Variants in RNF32 observed in about 807,000 individuals in gnomAD.
RNF32 encodes the protein ring finger protein 32.
In RNF32, 36 loss-of-function variants were observed where a neutral mutation model predicts 41.0. That is an observed-to-expected ratio of 0.88 (90% CI 0.67 to 1.16). The LOEUF (loss-of-function observed/expected upper bound fraction) is 1.16, where lower values mean the gene tolerates loss of function less well. RNF32 is among the 50% of genes most tolerant of loss of function. The pLI, the probability that RNF32 is intolerant of heterozygous loss-of-function variation, is 0.00. For synonymous variants in RNF32, 154 were observed against 160.9 expected, an observed-to-expected ratio of 0.96 and a Z score of 0.32; for missense variants, 413 against 436.7, an observed-to-expected ratio of 0.95 and a Z score of 0.48.
intron 1 of RNF32, among the ~76,000 whole-genome samples, chr7:156,642,080 C>A (rs180863233): frequency 1.3e-5 from 2 of 152,296 alleles, no homozygotes; most frequent in Non-Finnish European, 2.9e-5. Flanking sequence ...AAGTGTTAGT[C>A]CTTAGAAATA....
chr7:156,658,889 T>C, intron 7 of RNF32: 1 of 1,549,702 alleles, frequency 6.5e-7, no homozygotes, highest in East Asian at 2.4e-5. Flanking sequence ...CAGCTTAATT[T>C]TTCCCATCTC....
chr7:156,647,913 T>C (rs1798185363), intron 3 of RNF32, among the ~76,000 whole-genome samples: 1 of 152,210 alleles, frequency 6.6e-6, no homozygotes, highest in Non-Finnish European at 1.5e-5. Flanking sequence ...TGGTTTTAAT[T>C]TGCATTTCCC....
intron 7 of RNF32, among the ~76,000 whole-genome samples, chr7:156,662,109 T>C (rs1183850612): frequency 1.3e-5 from 2 of 152,230 alleles, no homozygotes; most frequent in African/African-American, 4.8e-5. Context: ...AATAGTGTAT[T>C]AGCAGTAGGT....
chr7:156,654,600 CT>C lies in RNF32; in HGVS notation c.300del (p.Pro101HisfsTer13). 1 of 1,614,114 alleles carries C rather than the reference CT, an allele frequency of 6.2e-7. No homozygotes were observed. Among genetic ancestry groups the C allele is most frequent in the Non-Finnish European group, 8.5e-7 (1 of 1,179,948 alleles). ...GCACAGAAGTTGGGCCTCATTGGGC[CT>C]CCACCACCTCCACTGTCATCAGATG... is the stretch of plus-strand genomic sequence containing the variant. ...TLAQKLGLIGPPPPPLSSDEW... is the reference protein window; with the variant it reads ...TLAQKLGLIGXPPPPLSSDEW... On this transcript the variant is annotated frameshift_variant, in exon 4 of 9. Transcript: ENST00000317955. LOFTEE classifies it high-confidence loss of function.
At chr7:156,665,179 C>T (rs186959202) in intron 7 of RNF32, among the ~76,000 whole-genome samples, 141 of 152,282 alleles carry the variant, frequency 9.3e-4, no homozygotes, top group Non-Finnish European at 9.0e-4. Flanking sequence ...CCTAGTAATA[C>T]GGCCATTAAA....
At chr7:156,653,637 C>T (rs567127751) in intron 3 of RNF32, among the ~76,000 whole-genome samples, 14 of 152,234 alleles carry the variant, frequency 9.2e-5, no homozygotes, top group Admixed American at 4.6e-4. Flanking sequence ...CTTTGGGGTG[C>T]GGGGAGGTGG....
intron 7 of RNF32, among the ~76,000 whole-genome samples, chr7:156,665,428 T>C (rs1023401893): frequency 7.9e-5 from 12 of 152,214 alleles, no homozygotes; most frequent in African/African-American, 2.9e-4. Context: ...TGTGTGGCAA[T>C]TAATAAGATT....
At chr7:156,660,096 C>A in intron 7 of RNF32, 1 of 985,908 alleles carries the variant, frequency 1.0e-6, no homozygotes, top group Non-Finnish European at 1.2e-6. Flanking sequence ...ACTGCTGCCT[C>A]CTCGTCCTGA....
chr7:156,659,920 C>G, intron 7 of RNF32: 1 of 985,478 alleles, frequency 1.0e-6, no homozygotes, highest in African/African-American at 1.7e-5. Flanking sequence ...GCAGGGAGAC[C>G]TGATCAAACA....
chr7:156,668,510 G>A lies in RNF32; in HGVS notation c.685-7186G>A, dbSNP rs368838385. Among the ~76,000 whole-genome samples the A allele has an allele frequency of 1.6e-4, 24 of 152,286 alleles. No individual in the cohort carries two copies. In the South Asian group the frequency reaches 4.8e-3, roughly 30 times the overall value. On this transcript the variant is annotated intron_variant, in intron 7 of 8. Transcript: ENST00000317955. ...GGGCTCCAGTGACTTGCACCTGTGG[G>A]TCTTGCCACCCTGCTTCCCTCTGCC...
At chr7:156,648,864 TTTG>T (rs1798322905) in intron 3 of RNF32, among the ~76,000 whole-genome samples, 1 of 152,242 alleles carries the variant, frequency 6.6e-6, no homozygotes, top group South Asian at 2.1e-4. Flanking sequence ...ATTGTTTTGT[TTTG>T]TTTTGTTTTT....
chr7:156,644,644 G>A lies in RNF32; in HGVS notation c.161G>A (p.Arg54Lys), dbSNP rs770292211. 1 of 1,613,392 alleles carries A rather than the reference G, an allele frequency of 6.2e-7. No homozygotes were observed. Among genetic ancestry groups the A allele is most frequent in the Non-Finnish European group, 8.5e-7 (1 of 1,179,496 alleles). ...VQKKENKSLKRDTKAIIDTGL... is the reference protein window; with the variant it reads ...VQKKENKSLKKDTKAIIDTGL... ...AAGAAAGAGAACAAATCTCTAAAAA[G>A]AGATACAAAGGCAATAATAGATACT... The change falls in exon 3 of 9, where the codon AGA becomes AAA. Residue 54 changes from arginine to lysine, a missense_variant. By Grantham distance (26) the Arg-to-Lys change is conservative. Transcript: ENST00000317955.
chr7:156,666,054 G>A (rs912846231), intron 7 of RNF32, among the ~76,000 whole-genome samples: 4 of 152,118 alleles, frequency 2.6e-5, no homozygotes, highest in African/African-American at 7.2e-5. Flanking sequence ...CATTGGTTTC[G>A]ATCAAAGATA....
intron 3 of RNF32, among the ~76,000 whole-genome samples, chr7:156,652,870 A>G (rs79234672): frequency 0.019 from 2,857 of 152,318 alleles, 91 homozygotes; most frequent in African/African-American, 0.066. Flanking sequence ...GCAGTGAGCC[A>G]TGACCACATC....
chr7:156,665,413 C>A (rs1422422505), intron 7 of RNF32, among the ~76,000 whole-genome samples: 1 of 152,134 alleles, frequency 6.6e-6, no homozygotes, highest in Non-Finnish European at 1.5e-5. Context: ...TCTTACAAAG[C>A]AAAATGTGTG....
intron 7 of RNF32, among the ~76,000 whole-genome samples, chr7:156,671,777 T>C (rs1240401715): frequency 1.3e-5 from 2 of 151,068 alleles, no homozygotes; most frequent in East Asian, 3.9e-4. Context: ...TCCACGTACT[T>C]GAAGAAACTT....
rs141726997 is a variant in RNF32 at position 156,665,877 on chromosome 7, G to C, written c.684+7307G>C. On this transcript the variant is annotated intron_variant, in intron 7 of 8. Transcript: ENST00000317955. ...GTACCATCAGAATCATTGTGTAAAA[G>C]AAAGACCATTTTAACACCAGAAAAG... Among the ~76,000 whole-genome samples, 119 of 152,332 alleles carry C rather than the reference G, an allele frequency of 7.8e-4. 1 individual carries two copies. In the East Asian group the frequency reaches 0.015, roughly 19 times the overall value.
chr7:156,651,581 C>T (rs967249870), intron 3 of RNF32, among the ~76,000 whole-genome samples: 9 of 152,188 alleles, frequency 5.9e-5, no homozygotes, highest in Admixed American at 1.3e-4. Context: ...CTGGATATCT[C>T]TTCTTACTGC....
At position 156,676,529 on chromosome 7, in the gene RNF32, C is replaced by G. The variant is rs1199242467; in HGVS notation, c.963C>G (p.Ser321=). 1 of 1,614,140 alleles carries G rather than the reference C, an allele frequency of 6.2e-7. No homozygotes were observed. The highest frequency in any genetic ancestry group is 2.2e-5 in the East Asian group (1 of 44,870). Residue 321 remains serine, a synonymous_variant, in exon 9 of 9, where the codon TCC becomes TCG. Transcript: ENST00000317955. The part of the protein sequence containing the change: ...GRRSREMALL[S]CSHVFHHACL... The stretch of plus-strand genomic sequence containing the variant: ...GTTCCAGAGAGATGGCCCTCCTGTC[C>G]TGCTCACATGTGTTCCACCATGCGT...
Sources: gnomAD v4.1 joint callset for allele counts (sites outside exome capture counted in the v4.1 genomes callset) on GRCh38, gnomAD v4.1.1 for gene constraint, MANE v1.5 for transcripts, NCBI Gene and HGNC (gene_info 2026-07-23, HGNC 2026-07-21) for gene names.